Variants in CCDC178 observed in about 807,000 individuals in gnomAD.
CCDC178 encodes the protein coiled-coil domain containing 178.
CCDC178 carries 126 observed loss-of-function variants against 117.4 expected under a neutral mutation model. That is an observed-to-expected ratio of 1.07 (90% CI 0.93 to 1.24). CCDC178 has a LOEUF of 1.24. Ranked by LOEUF, CCDC178 falls within the 50% of genes most tolerant of loss-of-function variation. The probability of loss-of-function intolerance (pLI) is 0.00; values close to 1 mark genes in which losing one functional copy is unlikely to be tolerated. For synonymous variants in CCDC178, 283 were observed against 313.4 expected (o/e 0.90, Z 1.02); for missense variants, 1,030 against 986.9 (o/e 1.04, Z -0.59).
chr18:33,425,717 T>C (rs974380901), intron 2 of CCDC178, among the ~76,000 whole-genome samples: 1 of 152,058 alleles, frequency 6.6e-6, no homozygotes, highest in Non-Finnish European at 1.5e-5. Context: ...CATTCATGGA[T>C]GGGGTGAGGA....
At chr18:32,988,264 C>A (rs1224288438) in intron 21 of CCDC178, among the ~76,000 whole-genome samples, 3 of 151,762 alleles carry the variant, frequency 2.0e-5, no homozygotes, top group Non-Finnish European at 4.4e-5. Flanking sequence ...GGTGAAACCC[C>A]GTCCCTGTTA....
intron 5 of CCDC178, among the ~76,000 whole-genome samples, chr18:33,385,030 C>G (rs1234068632): frequency 1.3e-5 from 2 of 152,072 alleles, no homozygotes; most frequent in Non-Finnish European, 2.9e-5. Context: ...ATTTACCAAG[C>G]AAATTTGAAA....
intron 20 of CCDC178, among the ~76,000 whole-genome samples, chr18:33,143,856 C>T (rs546172884): frequency 1.2e-4 from 18 of 152,080 alleles, no homozygotes; most frequent in African/African-American, 4.3e-4. Flanking sequence ...TATTGTAAAC[C>T]AGGGGATTCT....
intron 20 of CCDC178, among the ~76,000 whole-genome samples, chr18:33,194,900 C>CAAAAAAAAAAA (rs530764182): frequency 1.8e-5 from 1 of 56,120 alleles, no homozygotes; most frequent in Non-Finnish European, 3.6e-5. Context: ...TCTGTTTCTA[C>CAAAAAAAAAAA]AAAAAAAAAA....
In CCDC178 at chr18:33,054,224, A is replaced by T. The variant is rs141286140; in HGVS notation, c.2388+38537T>A. Among the ~76,000 whole-genome samples the T allele has an allele frequency of 8.5e-5, 13 of 152,324 alleles. No individual in the cohort carries two copies. In the East Asian group the frequency reaches 2.5e-3, roughly 29 times the overall value. On this transcript the variant is annotated intron_variant, in intron 21 of 22. Transcript: ENST00000383096. ...AAATATTTCCATGAGCTGTGTCATC[A>T]AATCAAATAAATATGACAGTCATTA...
intron 21 of CCDC178, among the ~76,000 whole-genome samples, chr18:33,010,750 A>G (rs377259284): frequency 6.6e-6 from 1 of 152,220 alleles, no homozygotes; most frequent in East Asian, 1.9e-4. Context: ...TAAGGTATGC[A>G]TATTTTTTTC....
At chr18:33,054,763 T>G (rs9957421) in intron 21 of CCDC178, among the ~76,000 whole-genome samples, 2,172 of 152,330 alleles carry the variant, frequency 0.014, 55 homozygotes, top group African/African-American at 0.049. Flanking sequence ...ATAGAATGAT[T>G]TATATTCCTT....
intron 14 of CCDC178, among the ~76,000 whole-genome samples, chr18:33,264,838 A>G (rs140468400): frequency 5.5e-4 from 83 of 152,188 alleles, no homozygotes; most frequent in African/African-American, 1.9e-3. Context: ...TTTTCCCTCT[A>G]TTACCAGCTA....
chr18:33,024,008 T>A (rs929571068), intron 21 of CCDC178, among the ~76,000 whole-genome samples: 2 of 152,154 alleles, frequency 1.3e-5, no homozygotes, highest in African/African-American at 4.8e-5. Context: ...AAATTAACCG[T>A]TCCTCAAAAA....
At chr18:33,293,400 C>A (rs2062063098) in intron 11 of CCDC178, 88 bp from the exon 12 acceptor site, 1 of 773,824 alleles carries the variant, frequency 1.3e-6, no homozygotes, top group African/African-American at 1.8e-5. Context: ...GTGGCTCATG[C>A]CTGTAATCTC....
intron 18 of CCDC178, among the ~76,000 whole-genome samples, chr18:33,222,764 AT>A (rs1017089833): frequency 1.4e-5 from 2 of 143,856 alleles, no homozygotes; most frequent in Non-Finnish European, 3.1e-5. Context: ...CTTCTTCTTC[AT>A]TTTTTTTTGG....
intron 21 of CCDC178, among the ~76,000 whole-genome samples, chr18:33,017,901 C>G (rs929078324): frequency 2.6e-5 from 4 of 151,206 alleles, no homozygotes; most frequent in African/African-American, 9.7e-5. Context: ...ATACCAAAAG[C>G]ACAAGCTACA....
rs539187556 is a variant in CCDC178, at chr18:33,350,600, G to T, written c.372-1625C>A. 3.7e-4 allele frequency among the ~76,000 whole-genome samples: 56 copies of T among 152,184 alleles called. 1 individual carries two copies. The highest frequency in any genetic ancestry group is 1.0e-3 in the African/African-American group (43 of 41,524). On this transcript the variant is annotated intron_variant, in intron 7 of 22. Transcript: ENST00000383096. ...TTTCTCCATGTTGCAGTATGTAGAA[G>T]AATTTTATTTCTTTTAATGGTGGAA...
chr18:33,434,555 G>A (rs76143631), intron 2 of CCDC178, among the ~76,000 whole-genome samples: 169 of 152,236 alleles, frequency 1.1e-3, no homozygotes, highest in African/African-American at 4.0e-3. Context: ...ACAGTTTGAT[G>A]GAACTGTCTA....
chr18:33,414,135 G>A (rs956738896), intron 2 of CCDC178, among the ~76,000 whole-genome samples: 3 of 151,894 alleles, frequency 2.0e-5, no homozygotes, highest in African/African-American at 7.3e-5. Flanking sequence ...TTTATAAATC[G>A]ATCATGTTTA....
chr18:32,950,842 A>G (rs946942372), intron 22 of CCDC178, among the ~76,000 whole-genome samples: 1 of 152,248 alleles, frequency 6.6e-6, no homozygotes, highest in Non-Finnish European at 1.5e-5. Flanking sequence ...CATAATTGTG[A>G]TCAACACAGA....
At chr18:33,427,375 T>G (rs1263112447) in intron 2 of CCDC178, among the ~76,000 whole-genome samples, 1 of 152,138 alleles carries the variant, frequency 6.6e-6, no homozygotes, top group African/African-American at 2.4e-5. Flanking sequence ...ATCTTTTTTA[T>G]TGTACAATAA....
intron 15 of CCDC178, among the ~76,000 whole-genome samples, chr18:33,244,469 C>T (rs571374698): frequency 3.3e-5 from 5 of 151,872 alleles, no homozygotes; most frequent in East Asian, 1.9e-4. Flanking sequence ...AATCATGAGG[C>T]ATTTCCCCCA....
chr18:33,413,852 A>T (rs2063894003), intron 2 of CCDC178, among the ~76,000 whole-genome samples: 1 of 152,162 alleles, frequency 6.6e-6, no homozygotes, highest in African/African-American at 2.4e-5. Flanking sequence ...AGACCCCAAA[A>T]GTCTGTATTT....
Sources: allele counts gnomAD v4.1 joint callset (sites outside exome capture counted in the v4.1 genomes callset), GRCh38; gene constraint gnomAD v4.1.1; transcripts MANE v1.5; gene names NCBI Gene and HGNC (gene_info 2026-07-23, HGNC 2026-07-21).